ACAP2: variants seen among roughly 807,000 people sequenced by gnomAD.
The protein encoded by ACAP2 is arf-GAP with coiled-coil, ANK repeat and PH domain-containing protein 2.
ACAP2 carries 39 observed loss-of-function variants against 115.8 expected under a neutral mutation model. That is an observed-to-expected ratio of 0.34 (90% CI 0.26 to 0.44). The LOEUF (loss-of-function observed/expected upper bound fraction) is 0.44. Among genes scored for constraint, ACAP2 ranks in the 20% least tolerant of loss-of-function variants. The probability of loss-of-function intolerance (pLI) is 1.00; values close to 1 mark genes in which losing one functional copy is unlikely to be tolerated. For missense variants in ACAP2, 662 were observed against 927.6 expected, an observed-to-expected ratio of 0.71 and a Z score of 3.72; for synonymous variants, 289 against 315.8, an observed-to-expected ratio of 0.92 and a Z score of 0.90.
chr3:195,442,344 C>G (rs974217582), intron 1 of ACAP2: 1 of 178,838 alleles, frequency 5.6e-6, no homozygotes, highest in Non-Finnish European at 1.2e-5. Flanking sequence ...ACTAAATGAA[C>G]TGCAAGAGGA....
At chr3:195,391,868 G>A (rs564360520) in intron 2 of ACAP2, among the ~76,000 whole-genome samples, 92 of 152,116 alleles carry the variant, frequency 6.0e-4, no homozygotes, top group South Asian at 1.2e-3. Context: ...GGTGGTGCAC[G>A]CCTGTAATCC....
chr3:195,376,714 T>C (rs906970617), intron 4 of ACAP2, among the ~76,000 whole-genome samples: 3 of 152,214 alleles, frequency 2.0e-5, no homozygotes, highest in African/African-American at 7.2e-5. Flanking sequence ...CTCCAACATA[T>C]GTTTAATCTT....
intron 1 of ACAP2, among the ~76,000 whole-genome samples, chr3:195,424,281 ATATTTTTTTTTTTTTTTTT>A (rs1714472192): frequency 3.0e-4 from 15 of 49,388 alleles, no homozygotes; most frequent in Middle Eastern, 0.01. Context: ...ATATATATAT[ATATTTTTTTTTTTTTTTTT>A]TTTTTTTTTT....
At chr3:195,441,652 A>G (rs1716001725) in intron 1 of ACAP2, 1 of 152,278 alleles carries the variant, frequency 6.6e-6, no homozygotes, top group Non-Finnish European at 1.5e-5. Flanking sequence ...CTTGGCCCAG[A>G]CATTAGCGGG....
At chr3:195,417,603 C>T (rs1713842792) in intron 1 of ACAP2, among the ~76,000 whole-genome samples, 3 of 152,212 alleles carry the variant, frequency 2.0e-5, no homozygotes, top group East Asian at 1.9e-4. Context: ...AAGTTAATGA[C>T]GTCGACACAC....
intron 1 of ACAP2, among the ~76,000 whole-genome samples, chr3:195,415,377 A>G (rs1409098455): frequency 1.3e-5 from 2 of 151,892 alleles, no homozygotes; most frequent in Non-Finnish European, 1.5e-5. Context: ...CCCACGTTCA[A>G]GAGATTCTCC....
chr3:195,360,984 CAA>C (rs34043043), intron 4 of ACAP2, among the ~76,000 whole-genome samples: 5,408 of 98,106 alleles, frequency 0.055, 318 homozygotes, highest in African/African-American at 0.17. Context: ...GTAAGAAACT[CAA>C]AAAAAAAAAA....
At chr3:195,287,404 ATT>A (rs34303835) in intron 21 of ACAP2, among the ~76,000 whole-genome samples, 3,398 of 147,816 alleles carry the variant, frequency 0.023, 116 homozygotes, top group East Asian at 0.12. Context: ...CACGTAAATA[ATT>A]TTTTTTTTTT....
intron 4 of ACAP2, among the ~76,000 whole-genome samples, chr3:195,373,701 G>T (rs569936331): frequency 6.6e-6 from 1 of 152,150 alleles, no homozygotes; most frequent in Admixed American, 6.5e-5. Context: ...AGGCCGAGGC[G>T]GGTGGATCAT....
chr3:195,368,008 A>G (rs1316806494), intron 4 of ACAP2, among the ~76,000 whole-genome samples: 3 of 152,250 alleles, frequency 2.0e-5, no homozygotes, highest in Non-Finnish European at 2.9e-5. Flanking sequence ...AGATGTTGGT[A>G]GCCGTATTTA....
At chr3:195,327,899 T>A (rs1411020887) in intron 8 of ACAP2, among the ~76,000 whole-genome samples, 1 of 151,902 alleles carries the variant, frequency 6.6e-6, no homozygotes, top group Non-Finnish European at 1.5e-5. Context: ...CCACTGCACA[T>A]TAGCCAGGGT....
At chr3:195,400,747 C>T (rs942876707) in intron 1 of ACAP2, among the ~76,000 whole-genome samples, 1 of 152,052 alleles carries the variant, frequency 6.6e-6, no homozygotes, top group Non-Finnish European at 1.5e-5. Flanking sequence ...ATAAAAGGGG[C>T]AGAGGAGATT....
intron 4 of ACAP2, among the ~76,000 whole-genome samples, chr3:195,370,874 C>G (rs1733084394): frequency 6.6e-6 from 1 of 151,562 alleles, no homozygotes; most frequent in Non-Finnish European, 1.5e-5. Context: ...ATCACTTGAA[C>G]CCAGGAGGTG....
intron 1 of ACAP2, among the ~76,000 whole-genome samples, chr3:195,395,650 T>C (rs1454412272): frequency 6.6e-6 from 1 of 152,250 alleles, no homozygotes. Flanking sequence ...GTTGAGTAGC[T>C]GCAAGAGAGA....
rs181348711 is a variant in ACAP2, at chr3:195,298,857, C to T, written c.1396-1576G>A. On this transcript the variant is annotated intron_variant, in intron 15 of 22. Transcript: ENST00000326793. ...TGTTGGTCAGGCTGGTCTTGAACTCCGGACCTCAGGTGATCCACCTGCCTC... is the reference window on the plus strand; with the variant it reads ...TGTTGGTCAGGCTGGTCTTGAACTCTGGACCTCAGGTGATCCACCTGCCTC... Among the ~76,000 whole-genome samples the T allele has an allele frequency of 3.9e-5, 6 of 152,110 alleles. No homozygotes were observed. In the South Asian group the frequency reaches 8.3e-4, roughly 21 times the overall value.
chr3:195,320,693 T>C lies in ACAP2; in HGVS notation c.857+8A>G, dbSNP rs759764387. On this transcript the variant is annotated splice_region_variant and intron_variant, in intron 10 of 22. Coordinates refer to ENST00000326793, the MANE Select transcript of ACAP2 (RefSeq NM_012287.6). ...TATAGATCAAGACTAGTATTTGAAA[T>C]ATATTACCTGTTCCAAGTTTTGAAG... is the stretch of plus-strand genomic sequence containing the variant. 2 of 1,595,952 alleles carry C rather than the reference T, an allele frequency of 1.3e-6. No homozygotes were observed. Among genetic ancestry groups the C allele is most frequent in the South Asian group, 1.1e-5 (1 of 90,612 alleles).
intron 4 of ACAP2, among the ~76,000 whole-genome samples, chr3:195,376,087 C>T (rs538056411): frequency 1.3e-5 from 2 of 152,138 alleles, no homozygotes; most frequent in South Asian, 2.1e-4. Context: ...TGTGTGTTCA[C>T]ATCTTATAAA....
chr3:195,395,799 G>T (rs1440504047), intron 1 of ACAP2, among the ~76,000 whole-genome samples: 1 of 152,138 alleles, frequency 6.6e-6, no homozygotes, highest in Admixed American at 6.5e-5. Flanking sequence ...AATAAAATTT[G>T]GACTTAGCTC....
chr3:195,316,200 TTTG>T (rs1729079240), intron 10 of ACAP2, among the ~76,000 whole-genome samples: 1 of 151,866 alleles, frequency 6.6e-6, no homozygotes, highest in Admixed American at 6.6e-5. Context: ...CTGGGTTTTT[TTTG>T]TTTTTTTTTT....
Sources: allele counts gnomAD v4.1 joint callset (sites outside exome capture counted in the v4.1 genomes callset), GRCh38; gene constraint gnomAD v4.1.1; transcripts MANE v1.5; gene names NCBI Gene and HGNC (gene_info 2026-07-23, HGNC 2026-07-21).